The following CDYL variants were observed in gnomAD, a reference collection of about 807,000 sequenced individuals.
CDYL encodes chromodomain Y like.
Under a neutral mutation model 47.3 loss-of-function variants are expected in CDYL, and 8 were observed. The observed-to-expected ratio is 0.17, with a 90% confidence interval of 0.10 to 0.31. The LOEUF (loss-of-function observed/expected upper bound fraction) is 0.31, where lower values mean the gene tolerates loss of function less well. CDYL is among the 10% of genes least tolerant of loss of function. The pLI is 1.00. For missense variants in CDYL, 471 were observed against 701.4 expected (o/e 0.67, Z 3.71); for synonymous variants, 266 against 265.0 (o/e 1.00, Z -0.04).
intron 2 of CDYL, among the ~76,000 whole-genome samples, chr6:4,919,007 C>T (rs1185608912): frequency 1.3e-5 from 2 of 152,170 alleles, no homozygotes; most frequent in Non-Finnish European, 2.9e-5. Context: ...CAGACGTGGG[C>T]AAAGACACTT....
intron 3 of CDYL, among the ~76,000 whole-genome samples, chr6:4,757,580 T>C (rs1758093932): frequency 6.6e-6 from 1 of 152,228 alleles, no homozygotes; most frequent in Admixed American, 6.5e-5. Context: ...TCATGTAACT[T>C]ACTACTGCAG....
intron 1 of CDYL, among the ~76,000 whole-genome samples, chr6:4,856,368 T>C (rs1761007050): frequency 6.6e-6 from 1 of 152,104 alleles, no homozygotes; most frequent in African/African-American, 2.4e-5. Flanking sequence ...GCCGGATAGA[T>C]AATTGCAGAC....
In CDYL at chr6:4,955,203, C is replaced by T. The variant is rs1758832699; in HGVS notation, c.*1147C>T. The stretch of plus-strand genomic sequence containing the variant: ...TGTGGATAGACATGTGCACTCCTTC[C>T]AGGAGTGGGTACTGATTCCAGACTC... On this transcript the variant is annotated 3_prime_UTR_variant, in exon 7 of 7. Coordinates refer to ENST00000397588, the MANE Select transcript of CDYL (RefSeq NM_004824.4). The T allele has an allele frequency of 6.6e-6, 1 of 152,566 alleles. No homozygotes were observed. Among genetic ancestry groups the T allele is most frequent in the Non-Finnish European group, 1.5e-5 (1 of 68,044 alleles). 9.5% of individuals were successfully genotyped at this position (152,566 alleles called of 1,614,324 possible).
In CDYL at chr6:4,724,753, C is replaced by G. The variant is rs1757466978; in HGVS notation, c.103+8872C>G. On this transcript the variant is annotated intron_variant, in intron 2 of 8. Coordinates refer to the CDYL transcript ENST00000328908. The stretch of plus-strand genomic sequence containing the variant: ...GGTCTCACTGGCTTCAGGAGTGAAG[C>G]TGCAAACCTTCGGGTGAGTGCTACA... 3 of 152,348 alleles carry G rather than the reference C, an allele frequency of 2.0e-5. No homozygotes were observed. The East Asian group carries it at 5.8e-4, about 29-fold the overall frequency. The allele number at this position is 152,348 out of a possible 1,614,324, so 9.4% of individuals were successfully genotyped here. A position where few individuals can be genotyped will look rare whatever the true frequency, so the allele number is the denominator to read the frequency against.
At chr6:4,802,814 G>C (rs916826449) in intron 1 of CDYL, among the ~76,000 whole-genome samples, 24 of 133,978 alleles carry the variant, frequency 1.8e-4, no homozygotes, top group African/African-American at 6.5e-4. Context: ...AAATTAGGTT[G>C]TGTGCACTTG....
At chr6:4,915,864 C>T (rs1410581632) in intron 2 of CDYL, among the ~76,000 whole-genome samples, 1 of 152,190 alleles carries the variant, frequency 6.6e-6, no homozygotes, top group African/African-American at 2.4e-5. Flanking sequence ...CTGGAGACTT[C>T]GTCTGTACGG....
chr6:4,914,353 G>A (rs2127502450), intron 2 of CDYL, among the ~76,000 whole-genome samples: 1 of 152,264 alleles, frequency 6.6e-6, no homozygotes, highest in South Asian at 2.1e-4. Context: ...CCTCTCCTCT[G>A]TGCCTGAAAG....
chr6:4,895,421 GCATGTATA>G (rs1197928700), intron 2 of CDYL, among the ~76,000 whole-genome samples: 8 of 5,032 alleles, frequency 1.6e-3, no homozygotes, highest in African/African-American at 1.7e-3. Context: ...ACGTATATAT[GCATGTATA>G]CATGTATACG....
At position 4,955,139 on chromosome 6, in the gene CDYL, C is replaced by T. The variant is rs1257674005; in HGVS notation, c.*1083C>T. On this transcript the variant is annotated 3_prime_UTR_variant, in exon 7 of 7. Transcript: ENST00000397588. ...CTTGGCCTCTGCTTTTATGTCTATA[C>T]AATATACTGAGTTCAGTATGGTGTC... 2 of 152,580 alleles carry T rather than the reference C, an allele frequency of 1.3e-5. No homozygotes were observed. Among genetic ancestry groups the T allele is most frequent in the Non-Finnish European group, 2.9e-5 (2 of 68,038 alleles). 9.5% of individuals were successfully genotyped at this position (152,580 alleles called of 1,614,324 possible). A position where few individuals can be genotyped will look rare whatever the true frequency, so the allele number is the denominator to read the frequency against.
At chr6:4,832,958 C>G (rs1211301510) in intron 1 of CDYL, among the ~76,000 whole-genome samples, 1 of 151,978 alleles carries the variant, frequency 6.6e-6, no homozygotes, top group Non-Finnish European at 1.5e-5. Context: ...CTATTTGATT[C>G]TTCTTTTTTT....
chr6:4,948,932 G>A (rs777401200), intron 5 of CDYL, among the ~76,000 whole-genome samples: 3 of 152,236 alleles, frequency 2.0e-5, no homozygotes, highest in Non-Finnish European at 2.9e-5. Context: ...TGAGCCTTTG[G>A]TGTACTTGAG....
chr6:4,854,995 G>C (rs940038634), intron 1 of CDYL, among the ~76,000 whole-genome samples: 1 of 152,068 alleles, frequency 6.6e-6, no homozygotes, highest in Non-Finnish European at 1.5e-5. Flanking sequence ...ATATGAATAG[G>C]GTCAATATGA....
At chr6:4,901,279 T>A (rs1757046859) in intron 2 of CDYL, among the ~76,000 whole-genome samples, 1 of 152,136 alleles carries the variant, frequency 6.6e-6, no homozygotes, top group Admixed American at 6.5e-5. Flanking sequence ...TTAAATTTGC[T>A]CTTGTCGCTG....
chr6:4,924,787 G>T (rs987908274), intron 2 of CDYL, among the ~76,000 whole-genome samples: 3 of 152,066 alleles, frequency 2.0e-5, no homozygotes, highest in African/African-American at 7.2e-5. Context: ...CCTAAAAATC[G>T]CCACACTGCA....
intron 3 of CDYL, among the ~76,000 whole-genome samples, chr6:4,754,760 G>A (rs189526296): frequency 5.9e-5 from 9 of 152,050 alleles, no homozygotes; most frequent in African/African-American, 1.2e-4. Context: ...CTATAATTTC[G>A]AAGGAAATCC....
At chr6:4,895,677 G>A (rs545904437) in intron 2 of CDYL, among the ~76,000 whole-genome samples, 1 of 152,164 alleles carries the variant, frequency 6.6e-6, no homozygotes, top group Non-Finnish European at 1.5e-5. Flanking sequence ...CACCTCCAAT[G>A]CGATCTTGCT....
chr6:4,757,946 G>A (rs916652440), intron 3 of CDYL, among the ~76,000 whole-genome samples: 6 of 152,132 alleles, frequency 3.9e-5, no homozygotes, highest in Admixed American at 1.3e-4. Context: ...GAAACTGGAT[G>A]ATAAACTATA....
chr6:4,753,402 C>T (rs967893424), intron 3 of CDYL, among the ~76,000 whole-genome samples: 4 of 152,160 alleles, frequency 2.6e-5, no homozygotes, highest in Non-Finnish European at 5.9e-5. Flanking sequence ...GTACTCTGGA[C>T]TCTCACTAGA....
chr6:4,812,381 G>T (rs183398423), intron 1 of CDYL, among the ~76,000 whole-genome samples: 1 of 152,142 alleles, frequency 6.6e-6, no homozygotes, highest in Non-Finnish European at 1.5e-5. Context: ...CCGGTGTAGC[G>T]GTGAACTCAC....
Sources: allele counts gnomAD v4.1 joint callset (sites outside exome capture counted in the v4.1 genomes callset), GRCh38; gene constraint gnomAD v4.1.1; transcripts MANE v1.5; gene names NCBI Gene and HGNC (gene_info 2026-07-23, HGNC 2026-07-21).